The following ITK variants were observed in gnomAD, a reference collection of about 807,000 sequenced individuals.
ITK encodes tyrosine-protein kinase ITK/TSK.
ITK carries 45 observed loss-of-function variants against 87.6 expected under a neutral mutation model. The observed-to-expected ratio is 0.51, with a 90% CI of 0.40 to 0.66. The LOEUF is 0.66. ITK is among the 30% of genes least tolerant of loss of function. ITK has a pLI of 0.00. For missense variants in ITK, 605 were observed against 766.3 expected (o/e 0.79, Z 2.48); for synonymous variants, 303 against 273.6 (o/e 1.11, Z -1.06).
At chr5:157,247,023 CTT>C (rs1350643414) in intron 15 of ITK, among the ~76,000 whole-genome samples, 1 of 152,168 alleles carries the variant, frequency 6.6e-6, no homozygotes, top group Non-Finnish European at 1.5e-5. Context: ...CAGACAACCT[CTT>C]TGATTTGGAT....
In ITK at chr5:157,214,362, T is replaced by TA. The variant is rs1273912330; in HGVS notation, c.454+49dup. The TA allele has an allele frequency of 1.9e-5, 29 of 1,548,868 alleles. No homozygotes were observed. In the Admixed American group the frequency reaches 4.7e-4, roughly 25 times the overall value. ...CCCTCTAGTTTTTGTGAAATGACCA[T>TA]AAAAAAGTAAAAGCTTTTGGCCTTT... On this transcript the variant is annotated intron_variant, in intron 4 of 16. Coordinates refer to ENST00000422843, the MANE Select transcript of ITK (RefSeq NM_005546.4).
At chr5:157,222,197 G>A (rs150028515) in intron 5 of ITK, among the ~76,000 whole-genome samples, 213 of 152,168 alleles carry the variant, frequency 1.4e-3, no homozygotes, top group African/African-American at 4.9e-3. Flanking sequence ...CATAGCAGGC[G>A]TGCCCATCCT....
intron 1 of ITK, among the ~76,000 whole-genome samples, chr5:157,182,929 G>A (rs1454164255): frequency 6.6e-6 from 1 of 152,078 alleles, no homozygotes; most frequent in African/African-American, 2.4e-5. Flanking sequence ...ATGTAGACAA[G>A]GTTGTAAAAT....
chr5:157,228,961 G>A (rs560445275), intron 7 of ITK, among the ~76,000 whole-genome samples: 1 of 152,176 alleles, frequency 6.6e-6, no homozygotes, highest in Non-Finnish European at 1.5e-5. Flanking sequence ...GAGCACAGAA[G>A]TTGGCTCTAA....
chr5:157,208,341 G>A (rs1754121750), intron 1 of ITK, among the ~76,000 whole-genome samples: 2 of 152,162 alleles, frequency 1.3e-5, no homozygotes, highest in Non-Finnish European at 2.9e-5. Flanking sequence ...TGGGGAGGTT[G>A]GGGAGGACAT....
At chr5:157,189,811 T>C (rs1265423304) in intron 1 of ITK, among the ~76,000 whole-genome samples, 1 of 152,238 alleles carries the variant, frequency 6.6e-6, no homozygotes, top group African/African-American at 2.4e-5. Context: ...TTCGCAAATG[T>C]TCATGGACCA....
chr5:157,219,114 T>TC (rs11398220), intron 5 of ITK, among the ~76,000 whole-genome samples: 3 of 32,642 alleles, frequency 9.2e-5, no homozygotes, highest in African/African-American at 2.4e-4. Flanking sequence ...CTTTTCTTTC[T>TC]TTTTTTTTTT....
Position 157,241,536 on chromosome 5 carries a change from A to G in ITK, c.986-110A>G, listed in dbSNP as rs1580906519. ...GCTTTGGGATTTGTTTTCCAGAATAAAATTAGCTTTTGCGTCTGATGATGA... is the reference window on the plus strand; with the variant it reads ...GCTTTGGGATTTGTTTTCCAGAATAGAATTAGCTTTTGCGTCTGATGATGA... On this transcript the variant is annotated intron_variant, in intron 10 of 16. Transcript: ENST00000422843. 54 of 779,476 alleles carry G rather than the reference A, an allele frequency of 6.9e-5. 1 individual carries two copies. In the South Asian group the frequency reaches 7.7e-4, roughly 11 times the overall value. 48.3% of individuals were successfully genotyped at this position (779,476 alleles called of 1,614,324 possible). A position where few individuals can be genotyped will look rare whatever the true frequency, so the allele number is the denominator to read the frequency against.
chr5:157,201,167 C>G (rs913693138), intron 1 of ITK, among the ~76,000 whole-genome samples: 1 of 151,972 alleles, frequency 6.6e-6, no homozygotes, highest in African/African-American at 2.4e-5. Flanking sequence ...GATAAAACCC[C>G]CAGTACACTA....
intron 7 of ITK, among the ~76,000 whole-genome samples, 153 bp downstream of exon 7, chr5:157,228,514 G>C (rs1754582268): frequency 6.6e-6 from 1 of 152,128 alleles, no homozygotes; most frequent in Admixed American, 6.6e-5. Context: ...CCTAAATAAG[G>C]CTTTCCACTA....
At chr5:157,243,836 A>G (rs375068304) in intron 12 of ITK, 42 bp downstream of exon 12, 2 of 1,585,036 alleles carry the variant, frequency 1.3e-6, no homozygotes, top group African/African-American at 2.7e-5. Context: ...TCTGGGGGGA[A>G]CATCGGTTCA....
chr5:157,198,145 A>G (rs1365611334), intron 1 of ITK, among the ~76,000 whole-genome samples: 1 of 150,760 alleles, frequency 6.6e-6, no homozygotes, highest in East Asian at 1.9e-4. Flanking sequence ...AAGGAAAGAA[A>G]GAAAGCTCTC....
At chr5:157,192,866 C>T (rs1337288208) in intron 1 of ITK, among the ~76,000 whole-genome samples, 3 of 152,130 alleles carry the variant, frequency 2.0e-5, no homozygotes, top group Admixed American at 2.0e-4. Context: ...ACCTTGAAAC[C>T]TCATTGTCCT....
At chr5:157,232,421 C>A in intron 8 of ITK, 27 bp downstream of exon 8, 3 of 1,536,826 alleles carry the variant, frequency 2.0e-6, no homozygotes, top group Middle Eastern at 1.9e-4. Flanking sequence ...TGTCTTTTGA[C>A]ATAAAATAAA....
intron 1 of ITK, among the ~76,000 whole-genome samples, chr5:157,189,007 C>T (rs986365698): frequency 6.6e-5 from 10 of 151,918 alleles, no homozygotes; most frequent in East Asian, 1.9e-4. Context: ...AGTAAATATC[C>T]GGGGAATGAA....
Position 157,240,057 on chromosome 5 carries a change from T to C in ITK, c.852-5T>C. 1 of 1,611,650 alleles carries C rather than the reference T, an allele frequency of 6.2e-7. No individual in the cohort carries two copies. The highest frequency in any genetic ancestry group is 8.5e-7 in the Non-Finnish European group (1 of 1,177,802). Reference sequence around the variant, plus strand: ...ATCATTACATTTGTGTTTCATTTGTTTAAGTGAGAACAATCCCTGTATAAA... The same window carrying C: ...ATCATTACATTTGTGTTTCATTTGTCTAAGTGAGAACAATCCCTGTATAAA... On this transcript the variant is annotated splice_polypyrimidine_tract_variant and splice_region_variant and intron_variant, in intron 9 of 16. Transcript: ENST00000422843.
At chr5:157,196,686 G>C (rs1263950449) in intron 1 of ITK, among the ~76,000 whole-genome samples, 4 of 152,142 alleles carry the variant, frequency 2.6e-5, no homozygotes, top group Non-Finnish European at 4.4e-5. Flanking sequence ...GGTTTTACTT[G>C]CTGTTCCTTC....
At chr5:157,202,957 G>A (rs1754004980) in intron 1 of ITK, among the ~76,000 whole-genome samples, 1 of 152,092 alleles carries the variant, frequency 6.6e-6, no homozygotes, top group African/African-American at 2.4e-5. Context: ...ATGCTGCTAG[G>A]CTGTTAACAA....
intron 8 of ITK, among the ~76,000 whole-genome samples, chr5:157,233,077 A>G (rs551158965): frequency 6.6e-6 from 1 of 152,328 alleles, no homozygotes; most frequent in Non-Finnish European, 1.5e-5. Flanking sequence ...AAAGTAGAAA[A>G]GATGGTATGG....
Sources: allele counts gnomAD v4.1 joint callset (sites outside exome capture counted in the v4.1 genomes callset), GRCh38; gene constraint gnomAD v4.1.1; transcripts MANE v1.5; gene names NCBI Gene and HGNC (gene_info 2026-07-23, HGNC 2026-07-21).